KCND2: variants seen among roughly 807,000 people sequenced by gnomAD.
KCND2 encodes potassium voltage-gated channel subfamily D member 2.
Under a neutral mutation model 54.4 loss-of-function variants are expected in KCND2, and 16 were observed. That is an observed-to-expected ratio of 0.29 (90% confidence interval 0.20 to 0.45). The LOEUF (loss-of-function observed/expected upper bound fraction) is 0.45. KCND2 is among the 20% of genes least tolerant of loss of function. The probability of loss-of-function intolerance (pLI) is 1.00; values close to 1 mark genes in which losing one functional copy is unlikely to be tolerated. For missense variants in KCND2, 486 were observed against 824.2 expected (o/e 0.59, Z 5.02); for synonymous variants, 317 against 310.7 (o/e 1.02, Z -0.21).
At chr7:120,284,172 G>A (rs548743288) in intron 1 of KCND2, among the ~76,000 whole-genome samples, 1 of 152,194 alleles carries the variant, frequency 6.6e-6, no homozygotes, top group East Asian at 1.9e-4. Context: ...ACTTTAGCAT[G>A]CTGTTTCCAT....
intron 1 of KCND2, among the ~76,000 whole-genome samples, chr7:120,548,510 T>G (rs1413381970): frequency 6.6e-6 from 1 of 152,120 alleles, no homozygotes; most frequent in Non-Finnish European, 1.5e-5. Flanking sequence ...GGTAATCACC[T>G]GGCCAACCTG....
chr7:120,440,703 T>C (rs1474343823), intron 1 of KCND2, among the ~76,000 whole-genome samples: 1 of 152,044 alleles, frequency 6.6e-6, no homozygotes, highest in Admixed American at 6.6e-5. Context: ...TTTATCTGTA[T>C]GTGGATATCC....
At chr7:120,403,819 CTG>C (rs1306805618) in intron 1 of KCND2, among the ~76,000 whole-genome samples, 1 of 151,916 alleles carries the variant, frequency 6.6e-6, no homozygotes, top group Non-Finnish European at 1.5e-5. Context: ...TAAACAATGA[CTG>C]TTTTTTGTTT....
At chr7:120,715,934 AATC>A (rs1162144418) in intron 1 of KCND2, among the ~76,000 whole-genome samples, 1 of 152,116 alleles carries the variant, frequency 6.6e-6, no homozygotes, top group Admixed American at 6.6e-5. Context: ...GTACCTAAAC[AATC>A]AAGTTAAAAT....
chr7:120,279,877 A>G (rs568988262), intron 1 of KCND2, among the ~76,000 whole-genome samples: 211 of 152,058 alleles, frequency 1.4e-3, no homozygotes, highest in Non-Finnish European at 2.7e-3. Flanking sequence ...AAACTTTTAA[A>G]TACTATTCTC....
intron 1 of KCND2, among the ~76,000 whole-genome samples, chr7:120,345,490 A>G (rs1800303734): frequency 6.6e-6 from 1 of 152,146 alleles, no homozygotes; most frequent in Non-Finnish European, 1.5e-5. Context: ...GACCTCTAGA[A>G]ATTTGTCACC....
chr7:120,726,191 G>A (rs1792731987), intron 1 of KCND2, among the ~76,000 whole-genome samples: 1 of 152,078 alleles, frequency 6.6e-6, no homozygotes, highest in African/African-American at 2.4e-5. Flanking sequence ...CAAGAGAGGT[G>A]GAGACAAAAT....
At chr7:120,632,729 A>AT in intron 1 of KCND2, among the ~76,000 whole-genome samples, 1 of 152,208 alleles carries the variant, frequency 6.6e-6, no homozygotes. Context: ...CTGTTTTAAC[A>AT]GATGAGGAAA....
chr7:120,544,334 AATCTT>A (rs1233455244), intron 1 of KCND2, among the ~76,000 whole-genome samples: 3 of 151,932 alleles, frequency 2.0e-5, no homozygotes, highest in Admixed American at 6.6e-5. Context: ...TGAGACATAG[AATCTT>A]ATCTTGTACA....
At chr7:120,276,449 T>A (rs1799176059) in intron 1 of KCND2, among the ~76,000 whole-genome samples, 1 of 150,392 alleles carries the variant, frequency 6.6e-6, no homozygotes, top group South Asian at 2.1e-4. Flanking sequence ...AGCAAAAGAC[T>A]GTCATCCACA....
At chr7:120,609,235 A>T (rs1792920822) in intron 1 of KCND2, among the ~76,000 whole-genome samples, 1 of 152,260 alleles carries the variant, frequency 6.6e-6, no homozygotes. Flanking sequence ...CATATAATTT[A>T]AAAAGCTTCC....
chr7:120,546,734 A>C (rs947598062), intron 1 of KCND2, among the ~76,000 whole-genome samples: 4 of 152,048 alleles, frequency 2.6e-5, no homozygotes, highest in African/African-American at 9.7e-5. Flanking sequence ...ACAAGAAATC[A>C]TTCATCAAGT....
At chr7:120,307,812 T>C (rs763682260) in intron 1 of KCND2, among the ~76,000 whole-genome samples, 1 of 152,158 alleles carries the variant, frequency 6.6e-6, no homozygotes, top group African/African-American at 2.4e-5. Context: ...GTGAATATTC[T>C]CTGGGCTATT....
At chr7:120,674,101 A>G (rs778901531) in intron 1 of KCND2, among the ~76,000 whole-genome samples, 42 of 151,950 alleles carry the variant, frequency 2.8e-4, no homozygotes, top group Non-Finnish European at 5.6e-4. Flanking sequence ...ATGGGGTTTC[A>G]CCATGTTGTC....
intron 1 of KCND2, among the ~76,000 whole-genome samples, chr7:120,563,891 C>T (rs1792265604): frequency 6.6e-6 from 1 of 152,146 alleles, no homozygotes; most frequent in Non-Finnish European, 1.5e-5. Flanking sequence ...CCAAAGTTCC[C>T]CTTGAAGCCT....
chr7:120,464,732 A>C (rs1322685148), intron 1 of KCND2, among the ~76,000 whole-genome samples: 1 of 152,106 alleles, frequency 6.6e-6, no homozygotes, highest in Non-Finnish European at 1.5e-5. Flanking sequence ...TGTAGGTCTG[A>C]GGTCTTTGTT....
intron 1 of KCND2, among the ~76,000 whole-genome samples, chr7:120,329,083 T>C (rs1303664975): frequency 6.6e-6 from 1 of 151,742 alleles, no homozygotes; most frequent in East Asian, 1.9e-4. Context: ...TGTGGAAAGA[T>C]GAAACTGAAA....
intron 1 of KCND2, among the ~76,000 whole-genome samples, chr7:120,322,965 A>C (rs1203121090): frequency 6.6e-6 from 1 of 152,154 alleles, no homozygotes; most frequent in Non-Finnish European, 1.5e-5. Context: ...ATAGTTTTAA[A>C]ACAAAGTCAT....
At chr7:120,596,488 C>T (rs955822774) in intron 1 of KCND2, among the ~76,000 whole-genome samples, 2 of 152,018 alleles carry the variant, frequency 1.3e-5, no homozygotes, top group Non-Finnish European at 2.9e-5. Context: ...CTTGTTATGC[C>T]AGTTTTTGTT....
Sources: gnomAD v4.1 joint callset for allele counts (sites outside exome capture counted in the v4.1 genomes callset) on GRCh38, gnomAD v4.1.1 for gene constraint, MANE v1.5 for transcripts, NCBI Gene and HGNC (gene_info 2026-07-23, HGNC 2026-07-21) for gene names.